The following PPP1R14D variants were observed in gnomAD, a reference collection of about 807,000 sequenced individuals.
PPP1R14D encodes the protein protein phosphatase 1 regulatory inhibitor subunit 14D.
In PPP1R14D, 14 loss-of-function variants were observed where a neutral mutation model predicts 17.1. That is an observed-to-expected ratio of 0.82 (90% CI 0.54 to 1.28). The LOEUF (loss-of-function observed/expected upper bound fraction) is 1.28, where lower values mean the gene tolerates loss of function less well. Among genes scored for constraint, PPP1R14D ranks in the 50% most tolerant of loss-of-function variants. The pLI, the probability that PPP1R14D is intolerant of heterozygous loss-of-function variation, is 0.00. For synonymous variants in PPP1R14D, 67 were observed against 66.1 expected, an observed-to-expected ratio of 1.01 and a Z score of -0.06; for missense variants, 173 against 179.2, an observed-to-expected ratio of 0.97 and a Z score of 0.20.
At chr15:40,826,530 T>C (rs1347871579) in intron 1 of PPP1R14D, among the ~76,000 whole-genome samples, 1 of 152,124 alleles carries the variant, frequency 6.6e-6, no homozygotes, top group Non-Finnish European at 1.5e-5. Context: ...GCATCTGTTT[T>C]TTTTCTTAAG....
chr15:40,815,584 C>G lies in PPP1R14D; in HGVS notation c.*112G>C. 7.4e-7 allele frequency: 1 copy of G among 1,342,452 alleles called. No individual in the cohort carries two copies. Among genetic ancestry groups the G allele is most frequent in the Non-Finnish European group, 1.0e-6 (1 of 977,544 alleles). 83.2% of individuals were successfully genotyped at this position (1,342,452 alleles called of 1,614,324 possible). A position where few individuals can be genotyped will look rare whatever the true frequency, so the allele number is the denominator to read the frequency against. On this transcript the variant is annotated 3_prime_UTR_variant, in exon 4 of 4. Coordinates refer to ENST00000299174, the MANE Select transcript of PPP1R14D (RefSeq NM_017726.8). ...CAGTAGGAGTATGCAAATGTCCCTC[C>G]TTGTCCACATTTCTTGTTTGTGTCC...
chr15:40,819,561 G>A (rs1292034740), intron 1 of PPP1R14D, among the ~76,000 whole-genome samples: 3 of 151,148 alleles, frequency 2.0e-5, no homozygotes, highest in Admixed American at 6.6e-5. Flanking sequence ...AAAAATTACC[G>A]TTATTATGAA....
chr15:40,815,629 T>C lies in PPP1R14D; in HGVS notation c.*67A>G. 6.4e-7 allele frequency: 1 copy of C among 1,569,734 alleles called. No individual in the cohort carries two copies. Among genetic ancestry groups the C allele is most frequent in the Non-Finnish European group, 8.7e-7 (1 of 1,153,234 alleles). On this transcript the variant is annotated 3_prime_UTR_variant, in exon 4 of 4. Coordinates refer to ENST00000299174, the MANE Select transcript of PPP1R14D (RefSeq NM_017726.8). ...GTGTCCCAAGGAGCTATTTCCCTCT[T>C]AGCCAGGATCTGGAGTTTCAGGGCA...
intron 1 of PPP1R14D, among the ~76,000 whole-genome samples, chr15:40,821,944 A>G (rs559827399): frequency 2.0e-5 from 3 of 151,776 alleles, no homozygotes; most frequent in South Asian, 2.1e-4. Context: ...AAACAAACAA[A>G]CAAAACACAC....
chr15:40,820,966 G>A (rs1890766120), intron 1 of PPP1R14D, among the ~76,000 whole-genome samples: 1 of 151,178 alleles, frequency 6.6e-6, no homozygotes, highest in Admixed American at 6.6e-5. Flanking sequence ...ACAGGAGAGT[G>A]CTTGAGGCCA....
chr15:40,816,170 C>G lies in PPP1R14D; in HGVS notation c.339G>C (p.Glu113Asp). 6.2e-7 allele frequency: 1 copy of G among 1,614,038 alleles called. No individual in the cohort carries two copies. Among genetic ancestry groups the G allele is most frequent in the Non-Finnish European group, 8.5e-7 (1 of 1,179,890 alleles). ...GGCCAGCTTCTAGCCCCCATCCTAC[C>G]TCCAGCTGAGTCTTCTGCTCCTCTG... ...LSTEEQKTQL[E>D]AILGNCPRPT... Residue 113 changes from glutamate (E) to aspartate (D), a missense_variant and splice_region_variant, in exon 2 of 4, where the codon GAG becomes GAC. Physicochemically the swap from Glu to Asp is conservative, Grantham distance 45. Coordinates refer to ENST00000299174, the MANE Select transcript of PPP1R14D (RefSeq NM_017726.8).
At chr15:40,821,771 T>C (rs1890781824) in intron 1 of PPP1R14D, among the ~76,000 whole-genome samples, 1 of 150,504 alleles carries the variant, frequency 6.6e-6, no homozygotes, top group Admixed American at 6.6e-5. Context: ...CTACTAAAAA[T>C]ACAAAAATTA....
At chr15:40,815,864 A>G (rs1890649924) in intron 3 of PPP1R14D, 98 bp downstream of exon 3, 2 of 1,544,498 alleles carry the variant, frequency 1.3e-6, no homozygotes. Context: ...AGAAGGGAGA[A>G]GGACCCACAG....
chr15:40,819,099 A>G (rs952044681), intron 1 of PPP1R14D, among the ~76,000 whole-genome samples: 2 of 152,222 alleles, frequency 1.3e-5, no homozygotes, highest in African/African-American at 2.4e-5. Flanking sequence ...CAACAAGGAC[A>G]TTCTTTCTGT....
Position 40,817,498 on chromosome 15 carries a change from A to C in PPP1R14D, c.256-1245T>G, listed in dbSNP as rs866478550. Among the ~76,000 whole-genome samples the C allele has an allele frequency of 4.6e-5, 7 of 152,272 alleles. No individual in the cohort carries two copies. The South Asian group carries it at 8.3e-4, about 18-fold the overall frequency. On this transcript the variant is annotated intron_variant, in intron 1 of 3. Transcript: ENST00000299174. ...AAAAAGATGCTCAACATCATATGTC[A>C]TTAGGGAATTGCAAATTAAAACATT...
rs771571086 is a variant in PPP1R14D, at chr15:40,828,544, G to A, written c.98C>T (p.Ser33Leu). Residue 33 changes from serine to leucine, a missense_variant, in exon 1 of 4, where the codon TCA becomes TTA. Transcript: ENST00000299174. ...VHWASGRRRT[S>L]STDSESKSHP... ...GGACTTGGACTCTGAGTCTGTGGAT[G>A]ATGTCCTTCTCCTCCCAGAAGCCCA... 1.9e-6 allele frequency: 3 copies of A among 1,614,234 alleles called. No homozygotes were observed. Among genetic ancestry groups the A allele is most frequent in the Non-Finnish European group, 2.5e-6 (3 of 1,180,042 alleles).
intron 1 of PPP1R14D, among the ~76,000 whole-genome samples, chr15:40,817,612 CT>C (rs34000020): frequency 0.31 from 37,937 of 124,130 alleles, 4,524 homozygotes; most frequent in Middle Eastern, 0.41. Context: ...CAAAACTAAA[CT>C]TTTTTTTTTT....
intron 1 of PPP1R14D, among the ~76,000 whole-genome samples, chr15:40,821,386 C>A (rs949862966): frequency 6.6e-6 from 1 of 150,980 alleles, no homozygotes; most frequent in Non-Finnish European, 1.5e-5. Flanking sequence ...AGAAAAATTG[C>A]ATATTTTAAA....
At chr15:40,815,900 C>T (rs1218029358) in intron 3 of PPP1R14D, 62 bp downstream of exon 3, 2 of 1,598,786 alleles carry the variant, frequency 1.3e-6, no homozygotes, top group African/African-American at 2.7e-5. Context: ...AAATACTCCT[C>T]ATTAGCTACC....
chr15:40,823,566 C>A (rs1369766190), intron 1 of PPP1R14D, among the ~76,000 whole-genome samples: 1 of 152,184 alleles, frequency 6.6e-6, no homozygotes, highest in African/African-American at 2.4e-5. Flanking sequence ...CATTTAAAAT[C>A]TTTTCTACCA....
chr15:40,821,560 G>A (rs1366281273), intron 1 of PPP1R14D, among the ~76,000 whole-genome samples: 5 of 152,116 alleles, frequency 3.3e-5, no homozygotes, highest in Admixed American at 6.6e-5. Context: ...AAAGAACTTC[G>A]ATGACCTATG....
chr15:40,819,538 CA>C (rs201466372), intron 1 of PPP1R14D, among the ~76,000 whole-genome samples: 7,813 of 117,070 alleles, frequency 0.067, 328 homozygotes, highest in East Asian at 0.23. Context: ...CTCTCTTTCT[CA>C]AAAAAAAAAA....
At chr15:40,820,159 C>T (rs1890749375) in intron 1 of PPP1R14D, among the ~76,000 whole-genome samples, 1 of 150,338 alleles carries the variant, frequency 6.7e-6, no homozygotes, top group Admixed American at 6.6e-5. Flanking sequence ...AGCCACTGTG[C>T]CCAGCCCTTT....
At chr15:40,827,450 G>A (rs796680869) in intron 1 of PPP1R14D, among the ~76,000 whole-genome samples, 1 of 152,180 alleles carries the variant, frequency 6.6e-6, no homozygotes, top group East Asian at 1.9e-4. Context: ...GGAGGTTGCA[G>A]TGAGCCAAAA....
Sources: gnomAD v4.1 joint callset for allele counts (sites outside exome capture counted in the v4.1 genomes callset) on GRCh38, gnomAD v4.1.1 for gene constraint, MANE v1.5 for transcripts, NCBI Gene and HGNC (gene_info 2026-07-23, HGNC 2026-07-21) for gene names.